Variants in MYO16 observed in about 807,000 individuals in gnomAD.
The protein encoded by MYO16 is unconventional myosin-XVI.
In MYO16, 94 loss-of-function variants were observed where a neutral mutation model predicts 205.3. The ratio of observed to expected loss-of-function variants is 0.46; its 90% CI spans 0.39 to 0.54. The LOEUF is 0.54. MYO16 is among the 20% of genes least tolerant of loss of function. The pLI is 0.00. For synonymous variants in MYO16, 988 were observed against 954.0 expected, an observed-to-expected ratio of 1.04 and a Z score of -0.66; for missense variants, 2,315 against 2,387.5, an observed-to-expected ratio of 0.97 and a Z score of 0.63.
At chr13:108,785,525 A>G in intron 4 of MYO16, 110 bp from the exon 5 acceptor site, 1 of 577,284 alleles carries the variant, frequency 1.7e-6, no homozygotes, top group Non-Finnish European at 2.9e-6. Flanking sequence ...GGTGATATCT[A>G]CCGTAGACTA....
intron 1 of MYO16, among the ~76,000 whole-genome samples, chr13:108,657,100 A>G (rs1881279272): frequency 6.6e-6 from 1 of 152,228 alleles, no homozygotes; most frequent in Non-Finnish European, 1.5e-5. Flanking sequence ...ACATAATTTC[A>G]TCTAGAAATG....
the MYO16 span, among the ~76,000 whole-genome samples, chr13:108,572,490 C>A: frequency 1.3e-5 from 2 of 152,148 alleles, no homozygotes; most frequent in Non-Finnish European, 2.9e-5. Context: ...GCCTTCCCAA[C>A]AATGAGTGAA....
intron 1 of MYO16, among the ~76,000 whole-genome samples, chr13:108,663,004 C>T (rs2139427283): frequency 6.6e-6 from 1 of 152,294 alleles, no homozygotes; most frequent in Non-Finnish European, 1.5e-5. Flanking sequence ...GAAACTTCTC[C>T]CACAGACAGA....
chr13:108,876,957 C>T (rs1161261311), intron 12 of MYO16, among the ~76,000 whole-genome samples: 5 of 152,116 alleles, frequency 3.3e-5, no homozygotes, highest in Admixed American at 6.6e-5. Context: ...TGAGTCACCG[C>T]GCCCAGCCAT....
chr13:109,124,983 G>T (rs157023), intron 29 of MYO16, 129 bp from the exon 30 acceptor site: 797,595 of 1,021,034 alleles, frequency 0.78, 312,224 homozygotes, highest in South Asian at 0.81. Context: ...TTTAGATAAA[G>T]TCTTATTCTG....
chr13:108,717,282 C>G (rs1883981505), intron 3 of MYO16, among the ~76,000 whole-genome samples: 1 of 152,106 alleles, frequency 6.6e-6, no homozygotes, highest in Middle Eastern at 3.4e-3. Flanking sequence ...CAAGTGAATT[C>G]TAGTTGTAAC....
At chr13:109,083,887 T>C (rs1022186456) in intron 27 of MYO16, among the ~76,000 whole-genome samples, 2 of 152,198 alleles carry the variant, frequency 1.3e-5, no homozygotes, top group African/African-American at 4.8e-5. Flanking sequence ...TGTGAAGTCA[T>C]AGCTTGCATC....
In MYO16 at chr13:109,140,914, C is replaced by A. The variant is rs1268105947; in HGVS notation, c.4702C>A (p.Gln1568Lys). Residue 1568 changes from glutamine to lysine, a missense_variant, in exon 32 of 35, where the codon CAG (glutamine) becomes AAG (lysine). Coordinates refer to ENST00000457511, the MANE Select transcript of MYO16 (RefSeq NM_001198950.3). This position sits in a 1 kb window ranked among gnomAD's most constrained non-coding sequence, Gnocchi z 8.0. ...SPLSPQYSKS[Q>K]KGDGDRPASP... is the part of the protein sequence containing the mutation. ...GCTGTCCCCGCAGTACTCCAAGAGC[C>A]AGAAGGGCGACGGCGACAGGCCCGC... 1 of 1,575,482 alleles carries A rather than the reference C, an allele frequency of 6.3e-7. No individual in the cohort carries two copies. Among genetic ancestry groups the A allele is most frequent in the South Asian group, 1.1e-5 (1 of 87,008 alleles).
At chr13:109,103,932 T>C (rs1889046995) in intron 28 of MYO16, among the ~76,000 whole-genome samples, 1 of 152,216 alleles carries the variant, frequency 6.6e-6, no homozygotes, top group Non-Finnish European at 1.5e-5. Context: ...ACAGAGTATA[T>C]TACAACTATT....
At chr13:108,539,203 A>G in the MYO16 span, among the ~76,000 whole-genome samples, 1 of 152,132 alleles carries the variant, frequency 6.6e-6, no homozygotes, top group African/African-American at 2.4e-5. Flanking sequence ...CTTTTGAAGA[A>G]AATGTCCTTT....
intron 23 of MYO16, among the ~76,000 whole-genome samples, chr13:109,022,241 AT>A (rs1230507992): frequency 8.4e-5 from 11 of 130,574 alleles, no homozygotes; most frequent in Admixed American, 8.1e-4. Flanking sequence ...ATATGTATAT[AT>A]TTATATATAC....
intron 33 of MYO16, among the ~76,000 whole-genome samples, chr13:109,169,785 T>C (rs146821583): frequency 1.6e-3 from 247 of 152,278 alleles, no homozygotes; most frequent in African/African-American, 5.5e-3. Flanking sequence ...ATTCTAAGGA[T>C]TAAATAACTC....
chr13:108,851,027 A>T (rs1290372402), intron 10 of MYO16, among the ~76,000 whole-genome samples: 1 of 152,234 alleles, frequency 6.6e-6, no homozygotes, highest in African/African-American at 2.4e-5. Flanking sequence ...GCACACAGAA[A>T]TTTGCATTGA....
intron 2 of MYO16, among the ~76,000 whole-genome samples, chr13:108,711,869 G>C (rs1883735639): frequency 1.3e-5 from 2 of 152,192 alleles, no homozygotes; most frequent in Admixed American, 6.5e-5. Flanking sequence ...TGTGGAAAAT[G>C]CATTCATGGT....
intron 27 of MYO16, among the ~76,000 whole-genome samples, chr13:109,091,735 A>G (rs1431720975): frequency 6.6e-6 from 1 of 152,088 alleles, no homozygotes; most frequent in East Asian, 1.9e-4. Context: ...ATCCTCCAAT[A>G]GGTAACTCCT....
At chr13:108,677,504 T>C (rs1184347069) in intron 2 of MYO16, among the ~76,000 whole-genome samples, 1 of 151,644 alleles carries the variant, frequency 6.6e-6, no homozygotes, top group East Asian at 1.9e-4. Flanking sequence ...TATACTTACA[T>C]ATACCTGTGT....
intron 20 of MYO16, among the ~76,000 whole-genome samples, chr13:108,965,758 A>G (rs1471650416): frequency 6.6e-6 from 1 of 152,188 alleles, no homozygotes; most frequent in Non-Finnish European, 1.5e-5. Flanking sequence ...TCTAAAAATT[A>G]TATCTCTCCA....
chr13:108,653,233 T>C (rs1438205209), intron 1 of MYO16, among the ~76,000 whole-genome samples: 3 of 152,224 alleles, frequency 2.0e-5, no homozygotes, highest in African/African-American at 7.2e-5. Flanking sequence ...TTAATCAGAT[T>C]ATTTGATTTT....
At chr13:108,713,585 G>A (rs905991940) in intron 3 of MYO16, among the ~76,000 whole-genome samples, 1 of 152,112 alleles carries the variant, frequency 6.6e-6, no homozygotes, top group African/African-American at 2.4e-5. Flanking sequence ...TTTTTTCTGG[G>A]ATGTAGCTTG....
Sources: allele counts gnomAD v4.1 joint callset (sites outside exome capture counted in the v4.1 genomes callset), GRCh38; gene constraint gnomAD v4.1.1; non-coding constraint Gnocchi (gnomAD v3.1); transcripts MANE v1.5; gene names NCBI Gene and HGNC (gene_info 2026-07-23, HGNC 2026-07-21).